The following DSCAML1 variants were observed in gnomAD, a reference collection of about 807,000 sequenced individuals.
DSCAML1 encodes DS cell adhesion molecule like 1.
Under a neutral mutation model 200.5 loss-of-function variants are expected in DSCAML1, and 38 were observed. The observed-to-expected ratio is 0.19, with a 90% confidence interval of 0.15 to 0.25. The LOEUF (loss-of-function observed/expected upper bound fraction) is 0.25, where lower values mean the gene tolerates loss of function less well. DSCAML1 is among the 10% of genes least tolerant of loss of function. The pLI is 1.00. For missense variants in DSCAML1, 2,223 were observed against 2,858.8 expected (o/e 0.78, Z 5.07); for synonymous variants, 1,215 against 1,165.0 (o/e 1.04, Z -0.87).
chr11:117,794,446 A>T (rs1012321582), intron 1 of DSCAML1, among the ~76,000 whole-genome samples: 34 of 151,694 alleles, frequency 2.2e-4, no homozygotes, highest in African/African-American at 6.5e-4. Flanking sequence ...CAGGCATCAT[A>T]AAAAAAAGGT....
intron 17 of DSCAML1, among the ~76,000 whole-genome samples, chr11:117,462,217 T>C (rs937124264): frequency 1.3e-5 from 2 of 152,252 alleles, no homozygotes; most frequent in African/African-American, 4.8e-5. Flanking sequence ...CTCGTGCCCT[T>C]GTATTCAAAC....
At chr11:117,728,723 AT>A (rs370594053) in intron 3 of DSCAML1, among the ~76,000 whole-genome samples, 1 of 152,230 alleles carries the variant, frequency 6.6e-6, no homozygotes, top group African/African-American at 2.4e-5. Flanking sequence ...CTTAGGAATA[AT>A]TTTAAGAAAA....
At chr11:117,753,137 G>A (rs2054629864) in intron 3 of DSCAML1, among the ~76,000 whole-genome samples, 1 of 152,206 alleles carries the variant, frequency 6.6e-6, no homozygotes, top group Non-Finnish European at 1.5e-5. Flanking sequence ...CCTTGAAAGG[G>A]AAATGAAAAT....
At chr11:117,648,218 C>A (rs1387854281) in intron 3 of DSCAML1, among the ~76,000 whole-genome samples, 1 of 152,224 alleles carries the variant, frequency 6.6e-6, no homozygotes, top group Non-Finnish European at 1.5e-5. Context: ...GGTTTTTCTG[C>A]CCAGCTGTGT....
chr11:117,720,154 C>T (rs2054018187), intron 3 of DSCAML1, among the ~76,000 whole-genome samples: 4 of 152,036 alleles, frequency 2.6e-5, no homozygotes, highest in Admixed American at 2.6e-4. Flanking sequence ...TAGGAGCACT[C>T]AGCCCAGCGC....
At chr11:117,450,215 C>T (rs1174776421) in intron 20 of DSCAML1, among the ~76,000 whole-genome samples, 1 of 152,232 alleles carries the variant, frequency 6.6e-6, no homozygotes, top group African/African-American at 2.4e-5. Context: ...CACAGACCAG[C>T]CTGGGGACCT....
At chr11:117,681,046 C>A (rs929864301) in intron 3 of DSCAML1, among the ~76,000 whole-genome samples, 4 of 152,186 alleles carry the variant, frequency 2.6e-5, no homozygotes, top group Non-Finnish European at 5.9e-5. Context: ...TCATTCGGAC[C>A]CTGGATTCTC....
At chr11:117,565,573 T>C (rs1447746989) in intron 3 of DSCAML1, among the ~76,000 whole-genome samples, 3 of 152,230 alleles carry the variant, frequency 2.0e-5, no homozygotes, top group Non-Finnish European at 4.4e-5. Context: ...GGGATCTTTG[T>C]TATTCCACTG....
At position 117,515,610 on chromosome 11, in the gene DSCAML1, C is replaced by CTTTTTTTTTTTTTTTTTTTTTT. The variant is rs56765238; in HGVS notation, c.1783+835_1783+856dup. Among the ~76,000 whole-genome samples the CTTTTTTTTTTTTTTTTTTTTTT allele has an allele frequency of 2.0e-4, 13 of 65,144 alleles. 3 individuals are homozygous for CTTTTTTTTTTTTTTTTTTTTTT. The highest frequency in any genetic ancestry group is 2.4e-4 in the Non-Finnish European group (9 of 37,618). The allele number at this position is 65,144 out of a possible 152,430, so 42.7% of individuals were successfully genotyped here. ...TGTCAAGGGCCCAGGAGGGACGAAG[C>CTTTTTTTTTTTTTTTTTTTTTT]TTTTTTTTTTTTTTTTTTTTTTTTT... On this transcript the variant is annotated intron_variant, in intron 8 of 32. Transcript: ENST00000651296.
intron 3 of DSCAML1, among the ~76,000 whole-genome samples, chr11:117,755,001 T>G (rs1396865875): frequency 6.6e-6 from 1 of 152,176 alleles, no homozygotes; most frequent in Admixed American, 6.5e-5. Context: ...AACCTTCTCC[T>G]GTTGCCCTAA....
chr11:117,575,296 G>A (rs139434339), intron 3 of DSCAML1, among the ~76,000 whole-genome samples: 5 of 152,304 alleles, frequency 3.3e-5, no homozygotes, highest in African/African-American at 1.2e-4. Flanking sequence ...CAAAGCACCC[G>A]GGATGACGCA....
intron 11 of DSCAML1, among the ~76,000 whole-genome samples, chr11:117,484,993 A>G (rs1324415484): frequency 6.7e-6 from 1 of 149,948 alleles, no homozygotes; most frequent in Non-Finnish European, 1.5e-5. Context: ...ACAGTTCTGC[A>G]GCACACCTCT....
At chr11:117,791,896 A>G (rs375628355) in intron 1 of DSCAML1, among the ~76,000 whole-genome samples, 2 of 152,344 alleles carry the variant, frequency 1.3e-5, no homozygotes, top group East Asian at 1.9e-4. Flanking sequence ...TGTTCTGGCT[A>G]CTTGATATGC....
Position 117,428,307 on chromosome 11 carries a change from T to C in DSCAML1, c.*21A>G, listed in dbSNP as rs768211338. The C allele has an allele frequency of 2.3e-5, 31 of 1,367,876 alleles. No individual in the cohort carries two copies. In the Admixed American group the frequency reaches 4.6e-4, roughly 20 times the overall value. 84.7% of individuals were successfully genotyped at this position (1,367,876 alleles called of 1,614,324 possible). A position where few individuals can be genotyped will look rare whatever the true frequency, so the allele number is the denominator to read the frequency against. On this transcript the variant is annotated 3_prime_UTR_variant, in exon 33 of 33. Transcript: ENST00000651296. ...GCTGCGGCGCGGCGCGGTCCAGGCG[T>C]GGCTGCTCTTCCTGCGGGCCCTACA...
intron 3 of DSCAML1, among the ~76,000 whole-genome samples, chr11:117,667,140 G>A (rs1032349210): frequency 6.6e-6 from 1 of 152,204 alleles, no homozygotes; most frequent in Non-Finnish European, 1.5e-5. Flanking sequence ...GGTTGGGCAC[G>A]ATGGCTCACG....
chr11:117,595,273 T>A (rs12804173), intron 3 of DSCAML1, among the ~76,000 whole-genome samples: 30,054 of 152,038 alleles, frequency 0.2, 3,312 homozygotes, highest in Non-Finnish European at 0.24. Context: ...AAATGTCTAC[T>A]TTTTCCTGAT....
rs2048521423 is a variant in DSCAML1, at chr11:117,463,412, G to A, written c.3265+1530C>T. 6.6e-6 allele frequency among the ~76,000 whole-genome samples: 1 copy of A among 150,456 alleles called. No individual in the cohort carries two copies. Reference sequence around the variant, plus strand: ...GGGGTCTTGCTGTATTGTCCATGCTGGACACCCGGATTAGAAATGAACATT... The same window carrying A: ...GGGGTCTTGCTGTATTGTCCATGCTAGACACCCGGATTAGAAATGAACATT... On this transcript the variant is annotated intron_variant, in intron 17 of 32. Coordinates refer to ENST00000651296, the MANE Select transcript of DSCAML1 (RefSeq NM_020693.4). This position sits in a 1 kb window ranked among gnomAD's most constrained non-coding sequence, Gnocchi z 4.0.
intron 3 of DSCAML1, among the ~76,000 whole-genome samples, chr11:117,771,600 C>G (rs1591492980): frequency 6.6e-6 from 1 of 152,162 alleles, no homozygotes. Flanking sequence ...CACCCGATTC[C>G]TAATGATTCC....
chr11:117,532,568 C>G, intron 3 of DSCAML1, 46 bp from the exon 4 acceptor site: 1 of 1,589,606 alleles, frequency 6.3e-7, no homozygotes, highest in East Asian at 2.2e-5. Context: ...CGGTTTCGTA[C>G]AGCCTCAGAG....
Sources: allele counts gnomAD v4.1 joint callset (sites outside exome capture counted in the v4.1 genomes callset), GRCh38; gene constraint gnomAD v4.1.1; non-coding constraint Gnocchi (gnomAD v3.1); transcripts MANE v1.5; gene names NCBI Gene and HGNC (gene_info 2026-07-23, HGNC 2026-07-21).